EYA2: variants seen among roughly 807,000 people sequenced by gnomAD.
The protein encoded by EYA2 is EYA transcriptional coactivator and phosphatase 2, also known as protein phosphatase EYA2.
Under a neutral mutation model 69.2 loss-of-function variants are expected in EYA2, and 31 were observed. That is an observed-to-expected ratio of 0.45 (90% CI 0.34 to 0.60). The LOEUF is 0.60. Ranked by LOEUF, EYA2 falls within the 20% of genes least tolerant of loss-of-function variation. EYA2 has a pLI of 0.02. For synonymous variants in EYA2, 257 were observed against 279.4 expected (o/e 0.92, Z 0.80); for missense variants, 622 against 701.2 (o/e 0.89, Z 1.28).
chr20:47,035,117 A>G (rs1984622610), intron 5 of EYA2, among the ~76,000 whole-genome samples: 1 of 152,154 alleles, frequency 6.6e-6, no homozygotes, highest in South Asian at 2.1e-4. Flanking sequence ...ACATCACCCA[A>G]CCAGGGTCCC....
intron 13 of EYA2, 137 bp from the exon 14 acceptor site, chr20:47,180,678 G>A: frequency 1.9e-6 from 2 of 1,030,686 alleles, no homozygotes; most frequent in Non-Finnish European, 2.9e-6. Flanking sequence ...GAATCCTTGG[G>A]CCCTAACATA....
At chr20:47,149,420 G>A (rs969932389) in intron 10 of EYA2, among the ~76,000 whole-genome samples, 10 of 151,986 alleles carry the variant, frequency 6.6e-5, no homozygotes, top group African/African-American at 2.4e-4. Context: ...CCACATCCAT[G>A]GCGTTTGGTG....
rs78498414 is a variant in EYA2 at position 47,023,972 on chromosome 20, C to T, written c.415+7675C>T. Reference sequence around the variant, plus strand: ...TGATAACTTCCATGTCTCTACTTAACATGTCCAATCTTTCTTCTGGCTTCT... The same window carrying T: ...TGATAACTTCCATGTCTCTACTTAATATGTCCAATCTTTCTTCTGGCTTCT... On this transcript the variant is annotated intron_variant, in intron 5 of 15. Coordinates refer to ENST00000327619, the MANE Select transcript of EYA2 (RefSeq NM_005244.5). Among the ~76,000 whole-genome samples, 336 of 152,286 alleles carry T rather than the reference C, an allele frequency of 2.2e-3. 1 individual carries two copies. Among genetic ancestry groups the T allele is most frequent in the African/African-American group, 7.8e-3 (326 of 41,562 alleles).
At chr20:47,094,508 T>A (rs2032187836) in intron 8 of EYA2, among the ~76,000 whole-genome samples, 1 of 152,262 alleles carries the variant, frequency 6.6e-6, no homozygotes, top group Non-Finnish European at 1.5e-5. Flanking sequence ...GGGATGCTAA[T>A]ACCTTTTTCA....
chr20:46,963,996 A>T (rs569121520), intron 1 of EYA2, among the ~76,000 whole-genome samples: 1 of 152,368 alleles, frequency 6.6e-6, no homozygotes, highest in Non-Finnish European at 1.5e-5. Context: ...ATCTTAACAC[A>T]TCAGCGGGTT....
intron 7 of EYA2, among the ~76,000 whole-genome samples, chr20:47,077,922 A>G (rs1177433370): frequency 2.6e-5 from 4 of 152,236 alleles, no homozygotes; most frequent in Admixed American, 2.6e-4. Context: ...CAAAACATTG[A>G]TGAGAAATTA....
At chr20:47,176,703 G>A (rs1314937081) in intron 12 of EYA2, among the ~76,000 whole-genome samples, 3 of 151,832 alleles carry the variant, frequency 2.0e-5, no homozygotes, top group Non-Finnish European at 4.4e-5. Context: ...AGATAGAAAT[G>A]TATTTTTTTT....
chr20:47,093,069 G>A (rs1274158575), intron 8 of EYA2, among the ~76,000 whole-genome samples: 1 of 152,298 alleles, frequency 6.6e-6, no homozygotes, highest in Middle Eastern at 3.4e-3. Flanking sequence ...GGGAGACAGG[G>A]ACAAGAAACT....
intron 7 of EYA2, among the ~76,000 whole-genome samples, chr20:47,080,203 A>G (rs1306231802): frequency 6.6e-6 from 1 of 152,144 alleles, no homozygotes; most frequent in Non-Finnish European, 1.5e-5. Context: ...GGAAGTTCCC[A>G]AATCTTCAGA....
chr20:46,948,715 G>A (rs1266618643), intron 1 of EYA2, among the ~76,000 whole-genome samples: 1 of 152,128 alleles, frequency 6.6e-6, no homozygotes, highest in Non-Finnish European at 1.5e-5. Flanking sequence ...AAATAAAGCT[G>A]CACACATTAT....
At chr20:47,087,594 T>C (rs911417686) in intron 7 of EYA2, among the ~76,000 whole-genome samples, 1 of 152,262 alleles carries the variant, frequency 6.6e-6, no homozygotes, top group African/African-American at 2.4e-5. Context: ...CATCTGTGCG[T>C]AAGCAGCAAC....
intron 9 of EYA2, 38 bp from the exon 10 acceptor site, chr20:47,143,021 T>C: frequency 6.3e-7 from 1 of 1,587,126 alleles, no homozygotes; most frequent in Non-Finnish European, 8.6e-7. Flanking sequence ...TTCCTCAGGC[T>C]CCGCGTGCAT....
At chr20:47,125,195 A>G (rs1028754375) in intron 9 of EYA2, among the ~76,000 whole-genome samples, 5 of 151,782 alleles carry the variant, frequency 3.3e-5, no homozygotes, top group African/African-American at 7.3e-5. Flanking sequence ...CTGGGACTAC[A>G]GGCACCTGCC....
At chr20:47,157,756 T>G (rs143711597) in intron 10 of EYA2, among the ~76,000 whole-genome samples, 27 of 152,044 alleles carry the variant, frequency 1.8e-4, no homozygotes, top group African/African-American at 6.5e-4. Flanking sequence ...TCATGAAAAT[T>G]TGTTAAATCA....
chr20:46,929,953 T>C (rs537265259), intron 1 of EYA2, among the ~76,000 whole-genome samples: 17 of 152,302 alleles, frequency 1.1e-4, no homozygotes, highest in Admixed American at 2.6e-4. Flanking sequence ...AGCCTGGAAA[T>C]ATTGGGATTA....
chr20:47,025,573 C>G (rs1414132801), intron 5 of EYA2, among the ~76,000 whole-genome samples: 1 of 152,164 alleles, frequency 6.6e-6, no homozygotes, highest in Non-Finnish European at 1.5e-5. Context: ...CAGTTCCTTA[C>G]TGGGGGCCAT....
At chr20:47,013,227 G>A (rs1236525753) in intron 4 of EYA2, among the ~76,000 whole-genome samples, 1 of 152,196 alleles carries the variant, frequency 6.6e-6, no homozygotes, top group Non-Finnish European at 1.5e-5. Flanking sequence ...ACAGAGAGCA[G>A]AGGTTCAACA....
At chr20:47,064,742 C>A (rs2146459799) in intron 5 of EYA2, among the ~76,000 whole-genome samples, 1 of 152,306 alleles carries the variant, frequency 6.6e-6, no homozygotes, top group Non-Finnish European at 1.5e-5. Flanking sequence ...GTCATGGGAC[C>A]TTTCCCACTC....
In EYA2 at chr20:47,091,834, A is replaced by G. The variant is rs145849701; in HGVS notation, c.804+2453A>G. Among the ~76,000 whole-genome samples, 49 of 152,370 alleles carry G rather than the reference A, an allele frequency of 3.2e-4. 1 individual carries two copies. In the East Asian group the frequency reaches 8.9e-3, roughly 28 times the overall value. On this transcript the variant is annotated intron_variant, in intron 8 of 15. Coordinates refer to ENST00000327619, the MANE Select transcript of EYA2 (RefSeq NM_005244.5). Reference sequence around the variant, plus strand: ...GGAGGCCGTAAAACCAAGTTTAGAAAGAAAGTAACAAAGACATTGTTGAGA... The same window carrying G: ...GGAGGCCGTAAAACCAAGTTTAGAAGGAAAGTAACAAAGACATTGTTGAGA...
Sources: gnomAD v4.1 joint callset for allele counts (sites outside exome capture counted in the v4.1 genomes callset) on GRCh38, gnomAD v4.1.1 for gene constraint, MANE v1.5 for transcripts, NCBI Gene and HGNC (gene_info 2026-07-23, HGNC 2026-07-21) for gene names.